Variants in PCDHGB4 observed in about 807,000 individuals in gnomAD.
PCDHGB4 encodes the protein protocadherin gamma subfamily B, 4.
A neutral mutation model predicts 60.5 loss-of-function variants in PCDHGB4; 38 were observed. The ratio of observed to expected loss-of-function variants is 0.63; its 90% CI spans 0.48 to 0.82. The LOEUF is 0.82. Ranked by LOEUF, PCDHGB4 falls within the 40% of genes least tolerant of loss-of-function variation. The probability of loss-of-function intolerance (pLI) is 0.00; values close to 1 mark genes in which losing one functional copy is unlikely to be tolerated. For synonymous variants in PCDHGB4, 456 were observed against 509.7 expected (o/e 0.89, Z 1.42); for missense variants, 1,109 against 1,209.6 (o/e 0.92, Z 1.23).
chr5:141,455,255 C>T (rs1049752169), intron 1 of PCDHGB4, among the ~76,000 whole-genome samples: 16 of 152,146 alleles, frequency 1.1e-4, no homozygotes, highest in African/African-American at 3.9e-4. Flanking sequence ...AGTACAATCG[C>T]ATTTCTTCCC....
chr5:141,393,497 C>T (rs375522990), intron 1 of PCDHGB4: 705 of 1,613,952 alleles, frequency 4.4e-4, no homozygotes, highest in Non-Finnish European at 5.6e-4. Flanking sequence ...CAGTGCGCAT[C>T]CACGTGACAG....
intron 1 of PCDHGB4, among the ~76,000 whole-genome samples, chr5:141,464,019 C>A (rs1285414825): frequency 2.0e-5 from 3 of 151,984 alleles, no homozygotes; most frequent in African/African-American, 4.8e-5. Context: ...TAATCCCACA[C>A]TTTGGGAGGC....
chr5:141,504,379 G>T (rs181617363), intron 2 of PCDHGB4, among the ~76,000 whole-genome samples: 1 of 152,088 alleles, frequency 6.6e-6, no homozygotes, highest in African/African-American at 2.4e-5. Context: ...AGGTGGAGTC[G>T]CTGCCTCACA....
Position 141,416,159 on chromosome 5 carries a change from T to C in PCDHGB4, c.2397+25878T>C, listed in dbSNP as rs116406525. ...CTATACTTTGTGGTGATAGTTGCAG[T>C]TGAATATACTAAGTTTTTCATTAAT... On this transcript the variant is annotated intron_variant, in intron 1 of 3. Transcript: ENST00000519479. 1,471 of 153,024 alleles carry C rather than the reference T, an allele frequency of 9.6e-3. 10 individuals carry two copies. Among genetic ancestry groups the C allele is most frequent in the Non-Finnish European group, 0.015 (1,026 of 68,518 alleles). 9.5% of individuals were successfully genotyped at this position (153,024 alleles called of 1,614,324 possible).
chr5:141,450,826 A>ATTTT (rs764729742), intron 1 of PCDHGB4, among the ~76,000 whole-genome samples: 5 of 134,360 alleles, frequency 3.7e-5, no homozygotes, highest in East Asian at 2.1e-4. Flanking sequence ...TATTATTATT[A>ATTTT]TTATTTTTTT....
At chr5:141,451,945 C>T (rs906800803) in intron 1 of PCDHGB4, among the ~76,000 whole-genome samples, 1 of 151,970 alleles carries the variant, frequency 6.6e-6, no homozygotes, top group Non-Finnish European at 1.5e-5. Flanking sequence ...AGGGAAAGAC[C>T]GAGAAAGTGA....
At chr5:141,464,000 T>C (rs1045842127) in intron 1 of PCDHGB4, among the ~76,000 whole-genome samples, 15 of 152,158 alleles carry the variant, frequency 9.9e-5, no homozygotes, top group Non-Finnish European at 1.3e-4. Context: ...GTGCAGTGGC[T>C]CATGCTTGTA....
At chr5:141,454,665 CA>C (rs2098795764) in intron 1 of PCDHGB4, among the ~76,000 whole-genome samples, 3 of 152,058 alleles carry the variant, frequency 2.0e-5, no homozygotes, top group Non-Finnish European at 4.4e-5. Flanking sequence ...CTCGGCCTCC[CA>C]AAACACTGGG....
At position 141,505,489 on chromosome 5, in the gene PCDHGB4, G is replaced by A. The variant is rs759637750; in HGVS notation, c.2545+8G>A. On this transcript the variant is annotated splice_region_variant and intron_variant, in intron 3 of 3. Coordinates refer to ENST00000519479, the MANE Select transcript of PCDHGB4 (RefSeq NM_003736.4). ...TCTTGGCGTCCGCCAGTGGTAAGTG[G>A]TGTCAGTGTGTGTATGGAAGAGTGG... The A allele has an allele frequency of 6.2e-7, 1 of 1,614,218 alleles. No homozygotes were observed. The highest frequency in any genetic ancestry group is 1.7e-5 in the Admixed American group (1 of 60,032).
chr5:141,427,854 TGC>T (rs2097079964), intron 1 of PCDHGB4: 1 of 1,553,594 alleles, frequency 6.4e-7, no homozygotes, highest in Non-Finnish European at 8.8e-7. Context: ...CGAGCAGCTG[TGC>T]GCCTTCGAGC....
At chr5:141,414,948 G>A (rs957548133) in intron 1 of PCDHGB4, 20 of 1,614,084 alleles carry the variant, frequency 1.2e-5, no homozygotes, top group South Asian at 2.2e-5. Flanking sequence ...CCGGCTACCT[G>A]GTGACCAAGG....
chr5:141,432,934 G>GC lies in PCDHGB4; in HGVS notation c.2397+42654dup. On this transcript the variant is annotated intron_variant, in intron 1 of 3. Transcript: ENST00000519479. The surrounding 1 kb of genome is among the most constrained non-coding windows in gnomAD (Gnocchi z 6.0). ...GGCGCTGGCACAAGTCACGCCTGCT[G>GC]CAGGCTTCAGGAGGCGGCTTGACAG... The GC allele has an allele frequency of 6.2e-7, 1 of 1,614,196 alleles. No individual in the cohort carries two copies. Among genetic ancestry groups the GC allele is most frequent in the Non-Finnish European group, 8.5e-7 (1 of 1,180,040 alleles).
At chr5:141,412,189 T>C (rs560869081) in intron 1 of PCDHGB4, 21 of 152,370 alleles carry the variant, frequency 1.4e-4, no homozygotes, top group Admixed American at 1.2e-3. Context: ...AATGCTCTGA[T>C]GAAAACAGGT....
chr5:141,485,416 C>T lies in PCDHGB4; in HGVS notation c.2398-9391C>T, dbSNP rs1311879785. On this transcript the variant is annotated intron_variant, in intron 1 of 3. Coordinates refer to ENST00000519479, the MANE Select transcript of PCDHGB4 (RefSeq NM_003736.4). This position sits in a 1 kb window ranked among gnomAD's most constrained non-coding sequence, Gnocchi z 5.7. Reference sequence around the variant, plus strand: ...GACACTTCCGTGTGGATTTGGACAGCGGAGCCCTGCTCATCAAGAACCCAA... The same window carrying T: ...GACACTTCCGTGTGGATTTGGACAGTGGAGCCCTGCTCATCAAGAACCCAA... 10 of 1,613,988 alleles carry T rather than the reference C, an allele frequency of 6.2e-6. No individual in the cohort carries two copies. Among genetic ancestry groups the T allele is most frequent in the South Asian group, 4.4e-5 (4 of 91,086 alleles).
chr5:141,465,689 C>A (rs2099107540), intron 1 of PCDHGB4, among the ~76,000 whole-genome samples: 1 of 152,162 alleles, frequency 6.6e-6, no homozygotes, highest in African/African-American at 2.4e-5. Context: ...GACCAGTCTG[C>A]TTTTGCATTG....
At chr5:141,472,668 C>T (rs2099292239) in intron 1 of PCDHGB4, among the ~76,000 whole-genome samples, 1 of 151,742 alleles carries the variant, frequency 6.6e-6, no homozygotes, top group African/African-American at 2.4e-5. Context: ...ATCCTGTATA[C>T]TGGTCCTTCC....
At position 141,487,700 on chromosome 5, in the gene PCDHGB4, C is replaced by A; in HGVS notation, c.2398-7107C>A. On this transcript the variant is annotated intron_variant, in intron 1 of 3. Coordinates refer to ENST00000519479, the MANE Select transcript of PCDHGB4 (RefSeq NM_003736.4). This position sits in a 1 kb window ranked among gnomAD's most constrained non-coding sequence, Gnocchi z 5.0. ...AGGCCATGTCCTAGAGAGTACTGGCCTCTCAGTAAGTGCCCATAGTGATGT... is the reference window on the plus strand; with the variant it reads ...AGGCCATGTCCTAGAGAGTACTGGCATCTCAGTAAGTGCCCATAGTGATGT... The A allele has an allele frequency of 6.3e-7, 1 of 1,597,514 alleles. No homozygotes were observed. Among genetic ancestry groups the A allele is most frequent in the African/African-American group, 1.3e-5 (1 of 74,868 alleles).
At position 141,486,257 on chromosome 5, in the gene PCDHGB4, A is replaced by C; in HGVS notation, c.2398-8550A>C. 6.2e-7 allele frequency: 1 copy of C among 1,614,032 alleles called. No individual in the cohort carries two copies. The highest frequency in any genetic ancestry group is 8.5e-7 in the Non-Finnish European group (1 of 1,179,982). On this transcript the variant is annotated intron_variant, in intron 1 of 3. Transcript: ENST00000519479. The surrounding 1 kb of genome is among the most constrained non-coding windows in gnomAD (Gnocchi z 5.0). ...CTCAGAGCTTGGAACCCTCCCCGAG[A>C]GTGCAGAACCTGGCACTGTGGTGGC... is the stretch of plus-strand genomic sequence containing the variant.
chr5:141,404,330 T>C, intron 1 of PCDHGB4: 1 of 1,613,934 alleles, frequency 6.2e-7, no homozygotes, highest in African/African-American at 1.3e-5. Context: ...CTACTCAGTC[T>C]ACCTCCCGGA....
Sources: gnomAD v4.1 joint callset for allele counts (sites outside exome capture counted in the v4.1 genomes callset) on GRCh38, gnomAD v4.1.1 for gene constraint, Gnocchi (gnomAD v3.1) non-coding constraint, MANE v1.5 for transcripts, NCBI Gene and HGNC (gene_info 2026-07-23, HGNC 2026-07-21) for gene names.